Variants in SHANK2 observed in about 807,000 individuals in gnomAD.
SHANK2 encodes SH3 and multiple ankyrin repeat domains 2, also known as SH3 and multiple ankyrin repeat domains protein 2.
SHANK2 carries 43 observed loss-of-function variants against 133.7 expected under a neutral mutation model. The observed-to-expected ratio is 0.32, with a 90% CI of 0.25 to 0.41. The LOEUF is 0.41. Among genes scored for constraint, SHANK2 ranks in the 10% least tolerant of loss-of-function variants. The pLI is 1.00. For synonymous variants in SHANK2, 1,017 were observed against 952.8 expected (o/e 1.07, Z -1.24); for missense variants, 1,994 against 2,235.8 (o/e 0.89, Z 2.18).
intron 12 of SHANK2, among the ~76,000 whole-genome samples, chr11:70,809,134 T>C (rs1948227946): frequency 6.6e-6 from 1 of 152,162 alleles, no homozygotes; most frequent in Non-Finnish European, 1.5e-5. Flanking sequence ...ACGGAGGAAG[T>C]TGGCCAGAAA....
At chr11:71,248,898 G>C (rs1948131712) in intron 1 of SHANK2, among the ~76,000 whole-genome samples, 1 of 152,172 alleles carries the variant, frequency 6.6e-6, no homozygotes, top group Non-Finnish European at 1.5e-5. Context: ...CGGACTAACT[G>C]GACTGTCCAG....
intron 17 of SHANK2, among the ~76,000 whole-genome samples, chr11:70,513,676 A>C (rs553236449): frequency 6.6e-6 from 1 of 152,258 alleles, no homozygotes. Context: ...AATGAATAAA[A>C]GACAGGAAAT....
At chr11:71,093,051 A>AGGGG (rs33983330) in intron 7 of SHANK2, among the ~76,000 whole-genome samples, 12 of 70,590 alleles carry the variant, frequency 1.7e-4, no homozygotes, top group East Asian at 1.6e-3. Flanking sequence ...TCAAAAATAA[A>AGGGG]GGGGGGGGGG....
chr11:70,470,106 C>T lies in SHANK2; in HGVS notation c.*2763G>A, dbSNP rs1436647699. 6.6e-6 allele frequency: 1 copy of T among 152,520 alleles called. No individual in the cohort carries two copies. The highest frequency in any genetic ancestry group is 6.6e-5 in the Admixed American group (1 of 15,262). 9.4% of individuals were successfully genotyped at this position (152,520 alleles called of 1,614,324 possible). On this transcript the variant is annotated 3_prime_UTR_variant, in exon 26 of 26. Transcript: ENST00000601538. ...AATAGGGCCTCGTCCTAACATGTCC[C>T]AAAGGGGGAGAACAGTGGGTGGTGA...
chr11:71,168,185 C>T lies in SHANK2; in HGVS notation c.-12-20847G>A, dbSNP rs1474207586. Among the ~76,000 whole-genome samples the T allele has an allele frequency of 5.9e-5, 8 of 134,474 alleles. 3 individuals are homozygous for T. Among genetic ancestry groups the T allele is most frequent in the Non-Finnish European group, 6.4e-5 (4 of 62,392 alleles). The allele number at this position is 134,474 out of a possible 152,430, so 88.2% of individuals were successfully genotyped here. A position where few individuals can be genotyped will look rare whatever the true frequency, so the allele number is the denominator to read the frequency against. ...GCAGAGACGCTCCTCACATCCCGCA[C>T]GGGGCGGCAGGGCAGAGGTGCTCCC... On this transcript the variant is annotated intron_variant, in intron 2 of 25. Transcript: ENST00000601538.
Position 71,146,143 on chromosome 11 carries a change from C to T in SHANK2, c.207+977G>A, listed in dbSNP as rs147188236. 2.0e-3 allele frequency among the ~76,000 whole-genome samples: 311 copies of T among 152,328 alleles called. 2 individuals are homozygous for T. Among genetic ancestry groups the T allele is most frequent in the African/African-American group, 6.9e-3 (289 of 41,584 alleles). On this transcript the variant is annotated intron_variant, in intron 3 of 25. Transcript: ENST00000601538. ...ATGTTCGCAGGCCAACCCTACTAGG[C>T]GCCTGTTTGCAACCATTATGTCTGC...
intron 3 of SHANK2, among the ~76,000 whole-genome samples, chr11:71,139,452 T>G (rs1394192476): frequency 6.6e-6 from 1 of 151,942 alleles, no homozygotes; most frequent in African/African-American, 2.4e-5. Context: ...TGTATACATA[T>G]GTAACTAACC....
chr11:71,056,913 A>T (rs1396378665), intron 9 of SHANK2, among the ~76,000 whole-genome samples: 1 of 152,208 alleles, frequency 6.6e-6, no homozygotes, highest in Non-Finnish European at 1.5e-5. Flanking sequence ...ATGTTCTAAA[A>T]TAGGGGAGAG....
rs2060180301 is a variant in SHANK2 at position 70,581,217 on chromosome 11, G to A, written c.2062-78286C>T. ...GGGAAGAAAAGCTCTTGTAGTCACT[G>A]AAATAAAACCACAAACCTGACTGGC... On this transcript the variant is annotated intron_variant, in intron 17 of 25. Transcript: ENST00000601538. Among the ~76,000 whole-genome samples the A allele has an allele frequency of 2.6e-5, 4 of 152,236 alleles. No individual in the cohort carries two copies. In the South Asian group the frequency reaches 8.3e-4, roughly 32 times the overall value.
intron 23 of SHANK2, 82 bp from the exon 24 acceptor site, chr11:70,489,430 G>A: frequency 4.3e-6 from 6 of 1,401,196 alleles, no homozygotes; most frequent in Non-Finnish European, 6.1e-6. Flanking sequence ...GGTGCAGGGG[G>A]AGCTTTAAGC....
chr11:70,606,755 T>TG (rs1693215224), intron 17 of SHANK2, among the ~76,000 whole-genome samples: 2 of 152,134 alleles, frequency 1.3e-5, no homozygotes, highest in South Asian at 4.1e-4. Flanking sequence ...ATGGACCGTC[T>TG]GCTCCTTGGG....
chr11:70,616,475 G>A (rs553085134), intron 17 of SHANK2, among the ~76,000 whole-genome samples: 2 of 152,232 alleles, frequency 1.3e-5, no homozygotes, highest in South Asian at 4.1e-4. Flanking sequence ...CGAGGAGGGC[G>A]CTGGGTGGTA....
At chr11:71,064,096 GAGAC>G (rs1184344380) in intron 9 of SHANK2, among the ~76,000 whole-genome samples, 1 of 152,198 alleles carries the variant, frequency 6.6e-6, no homozygotes, top group Non-Finnish European at 1.5e-5. Flanking sequence ...TACAGATGAA[GAGAC>G]AGACAGAGAA....
chr11:71,084,413 G>A (rs1951349661), intron 8 of SHANK2, among the ~76,000 whole-genome samples: 1 of 152,184 alleles, frequency 6.6e-6, no homozygotes, highest in African/African-American at 2.4e-5. Flanking sequence ...ATGTGCACCT[G>A]GCCTGAGACA....
chr11:71,113,276 GCCCGTT>G lies in SHANK2; in HGVS notation c.483+11_483+16del. 8 of 1,550,650 alleles carry G rather than the reference GCCCGTT, an allele frequency of 5.2e-6. No homozygotes were observed. The highest frequency in any genetic ancestry group is 7.0e-6 in the Non-Finnish European group (8 of 1,146,056). ...CCGCCTGCCTAACGTGTAAATAACA[GCCCGTT>G]CCCTGCATACCTTCGTGTGGAGCTT... On this transcript the variant is annotated intron_variant, in intron 5 of 25. Transcript: ENST00000601538.
At chr11:71,157,737 T>G (rs1472327885) in intron 2 of SHANK2, among the ~76,000 whole-genome samples, 2 of 152,238 alleles carry the variant, frequency 1.3e-5, no homozygotes, top group East Asian at 1.9e-4. Flanking sequence ...CCAGCTAGCA[T>G]GAACCCACTC....
chr11:71,093,370 G>C (rs556885473), intron 7 of SHANK2, among the ~76,000 whole-genome samples: 29 of 152,262 alleles, frequency 1.9e-4, no homozygotes, highest in African/African-American at 7.0e-4. Flanking sequence ...TTCCGAGGAA[G>C]CCAACGGGTA....
chr11:71,229,502 G>T lies in SHANK2; in HGVS notation c.-112-4706C>A, dbSNP rs114405418. Among the ~76,000 whole-genome samples the T allele has an allele frequency of 5.6e-3, 856 of 152,266 alleles. 8 individuals are homozygous for T. The highest frequency in any genetic ancestry group is 0.02 in the African/African-American group (822 of 41,550). ...ATGAAAGAGTTGGCTGGGCGCAGTG[G>T]GTCATGCCTGTAATCCCAGCACTTC... On this transcript the variant is annotated intron_variant, in intron 1 of 25. Coordinates refer to ENST00000601538, the MANE Select transcript of SHANK2 (RefSeq NM_012309.5).
intron 14 of SHANK2, among the ~76,000 whole-genome samples, chr11:70,762,050 T>C (rs1947008447): frequency 6.6e-6 from 1 of 152,112 alleles, no homozygotes; most frequent in South Asian, 2.1e-4. Flanking sequence ...TCTGTGGGCG[T>C]GGGGTTCTTT....
Sources: allele counts gnomAD v4.1 joint callset (sites outside exome capture counted in the v4.1 genomes callset), GRCh38; gene constraint gnomAD v4.1.1; transcripts MANE v1.5; gene names NCBI Gene and HGNC (gene_info 2026-07-23, HGNC 2026-07-21).